Variants in VPS53 observed in about 807,000 individuals in gnomAD.
VPS53 encodes vacuolar protein sorting-associated protein 53 homolog.
Under a neutral mutation model 107.0 loss-of-function variants are expected in VPS53, and 70 were observed. That is an observed-to-expected ratio of 0.65 (90% CI 0.54 to 0.80). VPS53 has a LOEUF of 0.80. Among genes scored for constraint, VPS53 ranks in the 30% least tolerant of loss-of-function variants. The pLI is 0.00. For synonymous variants in VPS53, 409 were observed against 393.3 expected (o/e 1.04, Z -0.47); for missense variants, 917 against 1,049.4 (o/e 0.87, Z 1.74).
intron 5 of VPS53, 46 bp downstream of exon 5, chr17:661,763 A>G (rs952371159): frequency 7.2e-6 from 11 of 1,523,676 alleles, no homozygotes; most frequent in Non-Finnish European, 9.8e-6. Flanking sequence ...TGAGAAGCTC[A>G]CTTCCTCTTT....
chr17:704,673 G>A (rs1372759504), intron 2 of VPS53, among the ~76,000 whole-genome samples: 3 of 152,166 alleles, frequency 2.0e-5, no homozygotes, highest in Admixed American at 1.3e-4. Flanking sequence ...TCTAAGAAAC[G>A]TGACTGTACA....
rs961443507 is a variant in VPS53, at chr17:513,335, A to G, written c.*5793T>C. On this transcript the variant is annotated 3_prime_UTR_variant, in exon 22 of 22. Coordinates refer to ENST00000437048, the MANE Select transcript of VPS53 (RefSeq NM_001128159.3). ...ATTTACACAAAGAAGCAATCCCTTT[A>G]TTTTAAGGAAATTTATATCTCCCAA... The G allele has an allele frequency of 9.2e-5, 14 of 152,202 alleles. No homozygotes were observed. The highest frequency in any genetic ancestry group is 3.1e-4 in the African/African-American group (13 of 41,458). The allele number at this position is 152,202 out of a possible 1,614,324, so 9.4% of individuals were successfully genotyped here.
chr17:672,213 G>C lies in VPS53; in HGVS notation c.286-10318C>G, dbSNP rs993716591. Among the ~76,000 whole-genome samples, 73 of 70,028 alleles carry C rather than the reference G, an allele frequency of 1.0e-3. 1 individual carries two copies. The highest frequency in any genetic ancestry group is 2.9e-3 in the Non-Finnish European group (68 of 23,660). The allele number at this position is 70,028 out of a possible 152,430, so 45.9% of individuals were successfully genotyped here. A position where few individuals can be genotyped will look rare whatever the true frequency, so the allele number is the denominator to read the frequency against. Reference sequence around the variant, plus strand: ...TCTCTCTCTCTCTCTCTCTCTCTCTGAGCTTTACTCCCGTCTTTGGCTTCA... The same window carrying C: ...TCTCTCTCTCTCTCTCTCTCTCTCTCAGCTTTACTCCCGTCTTTGGCTTCA... On this transcript the variant is annotated intron_variant, in intron 4 of 21. Transcript: ENST00000437048.
At chr17:570,653 T>C (rs185465025) in intron 13 of VPS53, among the ~76,000 whole-genome samples, 14 of 152,248 alleles carry the variant, frequency 9.2e-5, no homozygotes, top group African/African-American at 3.4e-4. Context: ...CAACCTGTGA[T>C]CCTAGAGCTA....
intron 7 of VPS53, among the ~76,000 whole-genome samples, chr17:633,456 G>C: frequency 6.6e-6 from 1 of 152,158 alleles, no homozygotes; most frequent in South Asian, 2.1e-4. Flanking sequence ...TCTAGAAATA[G>C]CAACAGCTCA....
intron 13 of VPS53, among the ~76,000 whole-genome samples, chr17:577,559 C>T (rs986807116): frequency 7.3e-5 from 11 of 150,376 alleles, no homozygotes; most frequent in Admixed American, 4.6e-4. Flanking sequence ...GAATCTAATA[C>T]GTTCGCAGAG....
chr17:661,544 A>AAAAAC (rs554367496), intron 5 of VPS53, among the ~76,000 whole-genome samples: 7 of 127,406 alleles, frequency 5.5e-5, no homozygotes, highest in African/African-American at 1.1e-4. Flanking sequence ...AAAATACCCA[A>AAAAAC]AAAACAAAAC....
rs1907752676 is a variant in VPS53, at chr17:508,819, T to C, written c.*10309A>G. ...CAACCCAGAAGTAAACTGGGGTTGA[T>C]ACACACACATTTTCATCCATAACCT... On this transcript the variant is annotated 3_prime_UTR_variant, in exon 22 of 22. Coordinates refer to ENST00000437048, the MANE Select transcript of VPS53 (RefSeq NM_001128159.3). 6.6e-6 allele frequency: 1 copy of C among 152,360 alleles called. No individual in the cohort carries two copies. Among genetic ancestry groups the C allele is most frequent in the East Asian group, 1.9e-4 (1 of 5,190 alleles). The allele number at this position is 152,360 out of a possible 1,614,324, so 9.4% of individuals were successfully genotyped here.
At chr17:690,021 G>A (rs539054555) in intron 4 of VPS53, among the ~76,000 whole-genome samples, 1 of 152,190 alleles carries the variant, frequency 6.6e-6, no homozygotes, top group African/African-American at 2.4e-5. Context: ...TTTTGGGTCT[G>A]GCACTTTGCG....
At chr17:587,274 G>C (rs1967369687) in intron 12 of VPS53, among the ~76,000 whole-genome samples, 1 of 152,150 alleles carries the variant, frequency 6.6e-6, no homozygotes, top group Admixed American at 6.5e-5. Flanking sequence ...TGTTGGCCAG[G>C]CTAGTCTCGA....
At chr17:575,782 A>G (rs1914547872) in intron 13 of VPS53, among the ~76,000 whole-genome samples, 1 of 149,966 alleles carries the variant, frequency 6.7e-6, no homozygotes, top group South Asian at 2.1e-4. Flanking sequence ...ACCTTCCCTC[A>G]GAACCTAATG....
At chr17:617,714 G>T (rs1454058296) in intron 11 of VPS53, among the ~76,000 whole-genome samples, 4 of 143,588 alleles carry the variant, frequency 2.8e-5, no homozygotes. Flanking sequence ...ATCAGGCCCC[G>T]CTATTATTTC....
intron 4 of VPS53, among the ~76,000 whole-genome samples, chr17:668,964 G>A (rs1203328483): frequency 6.6e-6 from 1 of 152,130 alleles, no homozygotes; most frequent in Non-Finnish European, 1.5e-5. Context: ...GATAAACTAT[G>A]TGCCAGACTT....
intron 11 of VPS53, among the ~76,000 whole-genome samples, chr17:619,346 C>T (rs1245275173): frequency 2.0e-5 from 3 of 147,104 alleles, no homozygotes; most frequent in Non-Finnish European, 4.5e-5. Context: ...TAATATTTCC[C>T]GGGTAGCTGG....
intron 2 of VPS53, among the ~76,000 whole-genome samples, chr17:704,887 T>A (rs1000458814): frequency 6.6e-6 from 1 of 152,242 alleles, no homozygotes; most frequent in Non-Finnish European, 1.5e-5. Flanking sequence ...ATCTTTATCC[T>A]AGCTATTCCC....
intron 13 of VPS53, among the ~76,000 whole-genome samples, chr17:568,121 G>C (rs1293553906): frequency 6.6e-6 from 1 of 152,180 alleles, no homozygotes; most frequent in Non-Finnish European, 1.5e-5. Flanking sequence ...AGCATTCACA[G>C]AAACAATATT....
At chr17:585,986 G>A (rs1967288727) in intron 13 of VPS53, among the ~76,000 whole-genome samples, 1 of 152,090 alleles carries the variant, frequency 6.6e-6, no homozygotes, top group African/African-American at 2.4e-5. Flanking sequence ...GTAAAGCTTT[G>A]TGGGCTGATA....
chr17:671,339 GAA>G (rs1298779268), intron 4 of VPS53, among the ~76,000 whole-genome samples: 2 of 142,826 alleles, frequency 1.4e-5, no homozygotes, highest in African/African-American at 5.1e-5. Context: ...AGACAGGAAA[GAA>G]AGAGGAAAGA....
chr17:544,417 A>G lies in VPS53; in HGVS notation c.1867-7241T>C, dbSNP rs373916075. On this transcript the variant is annotated intron_variant, in intron 17 of 21. Transcript: ENST00000437048. ...CAGTTTAGGAGGCCGAGGCTCTTCC[A>G]CTTTTAGGCAGGTTACTTAAGCTGA... 2.0e-5 allele frequency among the ~76,000 whole-genome samples: 3 copies of G among 152,174 alleles called. No individual in the cohort carries two copies. The East Asian group carries it at 5.8e-4, about 29-fold the overall frequency.
Sources: gnomAD v4.1 joint callset for allele counts (sites outside exome capture counted in the v4.1 genomes callset) on GRCh38, gnomAD v4.1.1 for gene constraint, MANE v1.5 for transcripts, NCBI Gene and HGNC (gene_info 2026-07-23, HGNC 2026-07-21) for gene names.